Variants in ANKS1B observed in about 807,000 individuals in gnomAD.
The protein encoded by ANKS1B is ankyrin repeat and sterile alpha motif domain-containing protein 1B.
In ANKS1B, 36 loss-of-function variants were observed where a neutral mutation model predicts 148.3. That is an observed-to-expected ratio of 0.24 (90% CI 0.19 to 0.32). ANKS1B has a LOEUF of 0.32. ANKS1B is among the 10% of genes least tolerant of loss of function. The pLI is 1.00. For missense variants in ANKS1B, 1,157 were observed against 1,542.6 expected (o/e 0.75, Z 4.19); for synonymous variants, 542 against 560.8 (o/e 0.97, Z 0.47).
At chr12:98,735,864 T>TA (rs879471308) in intron 9 of ANKS1B, among the ~76,000 whole-genome samples, 2 of 152,056 alleles carry the variant, frequency 1.3e-5, no homozygotes, top group Non-Finnish European at 2.9e-5. Flanking sequence ...GGGAAGGGGT[T>TA]ACGGTTTTAG....
At chr12:99,814,162 A>G (rs545048043) in intron 2 of ANKS1B, among the ~76,000 whole-genome samples, 1 of 151,762 alleles carries the variant, frequency 6.6e-6, no homozygotes, top group South Asian at 2.1e-4. Context: ...GATTTGTGTA[A>G]GTGCACTCTA....
chr12:99,474,052 G>T (rs77808137), intron 10 of ANKS1B, among the ~76,000 whole-genome samples: 5,654 of 152,128 alleles, frequency 0.037, 372 homozygotes, highest in African/African-American at 0.13. Context: ...ATCCTTAGAA[G>T]AGTGAGTTAA....
intron 17 of ANKS1B, among the ~76,000 whole-genome samples, chr12:98,915,966 A>T (rs747652132): frequency 1.3e-5 from 2 of 151,914 alleles, no homozygotes; most frequent in African/African-American, 2.4e-5. Context: ...GTTGAGGGGG[A>T]TCTCCGGAGC....
chr12:99,850,984 C>G (rs2087732926), intron 1 of ANKS1B, among the ~76,000 whole-genome samples: 1 of 152,036 alleles, frequency 6.6e-6, no homozygotes, highest in Non-Finnish European at 1.5e-5. Context: ...TAAAAATCTG[C>G]ACTAATGGGG....
intron 17 of ANKS1B, among the ~76,000 whole-genome samples, chr12:98,927,924 AT>A (rs1378716100): frequency 1.3e-5 from 2 of 151,804 alleles, no homozygotes; most frequent in Admixed American, 1.3e-4. Flanking sequence ...AAAGGAAATA[AT>A]AAAAATAAGA....
At chr12:99,175,628 A>G (rs1355354495) in intron 14 of ANKS1B, among the ~76,000 whole-genome samples, 1 of 152,152 alleles carries the variant, frequency 6.6e-6, no homozygotes, top group East Asian at 1.9e-4. Flanking sequence ...CTTACTCAAC[A>G]CAAGTACTTC....
At chr12:99,577,386 G>A (rs1055000334) in intron 9 of ANKS1B, among the ~76,000 whole-genome samples, 1 of 151,080 alleles carries the variant, frequency 6.6e-6, no homozygotes, top group Non-Finnish European at 1.5e-5. Flanking sequence ...CAACATGACA[G>A]CTGAACTAAA....
At chr12:99,884,229 T>C (rs571842535) in intron 1 of ANKS1B, among the ~76,000 whole-genome samples, 8 of 152,204 alleles carry the variant, frequency 5.3e-5, no homozygotes, top group Admixed American at 5.2e-4. Context: ...TACACACCTA[T>C]TAGAATGGGG....
intron 17 of ANKS1B, among the ~76,000 whole-genome samples, chr12:98,962,008 G>A (rs772087356): frequency 5.9e-5 from 9 of 151,342 alleles, no homozygotes; most frequent in Non-Finnish European, 1.3e-4. Flanking sequence ...AAAGAAGGAA[G>A]GAAGGAAGAG....
At chr12:99,877,430 G>C (rs929676328) in intron 1 of ANKS1B, among the ~76,000 whole-genome samples, 1 of 152,026 alleles carries the variant, frequency 6.6e-6, no homozygotes, top group Non-Finnish European at 1.5e-5. Context: ...GCCTGTCCTA[G>C]GAATTCCTTC....
At chr12:99,154,203 A>T in intron 15 of ANKS1B, 86 bp downstream of exon 15, 1 of 1,535,290 alleles carries the variant, frequency 6.5e-7, no homozygotes, top group Non-Finnish European at 8.8e-7. Context: ...GTTTTGGTGC[A>T]AATCAGGCTG....
At chr12:99,856,713 G>A (rs2089163923) in intron 1 of ANKS1B, among the ~76,000 whole-genome samples, 1 of 152,128 alleles carries the variant, frequency 6.6e-6, no homozygotes, top group Non-Finnish European at 1.5e-5. Context: ...TACGAGGGAT[G>A]CGGGGACGGT....
intron 8 of ANKS1B, among the ~76,000 whole-genome samples, chr12:99,714,721 C>T (rs1433374210): frequency 6.6e-6 from 1 of 152,084 alleles, no homozygotes; most frequent in Non-Finnish European, 1.5e-5. Flanking sequence ...CTCCTTGGGC[C>T]TCCTAGTTCC....
intron 8 of ANKS1B, among the ~76,000 whole-genome samples, chr12:99,659,759 T>C (rs1165350882): frequency 1.3e-5 from 2 of 151,938 alleles, no homozygotes; most frequent in African/African-American, 4.8e-5. Context: ...TAAAATAGAG[T>C]AAGAATTATC....
chr12:98,983,915 A>G (rs2099921811), intron 17 of ANKS1B, among the ~76,000 whole-genome samples: 1 of 152,208 alleles, frequency 6.6e-6, no homozygotes, highest in Non-Finnish European at 1.5e-5. Flanking sequence ...GAGTAGATGA[A>G]TAGTTTTATC....
intron 17 of ANKS1B, among the ~76,000 whole-genome samples, chr12:98,935,181 T>C (rs984720784): frequency 2.0e-5 from 3 of 152,336 alleles, no homozygotes; most frequent in Middle Eastern, 3.4e-3. Flanking sequence ...TGAGAGTTTT[T>C]ATCATCAAAG....
chr12:99,805,285 A>AAAAAAAAAAAAAAAAAAAAAC (rs1360182682), intron 4 of ANKS1B, among the ~76,000 whole-genome samples: 2 of 149,198 alleles, frequency 1.3e-5, no homozygotes, highest in African/African-American at 2.5e-5. Context: ...AAAAAAAAAA[A>AAAAAAAAAAAAAAAAAAAAAC]AAAGACTAAC....
rs934036343 is a variant in ANKS1B at position 99,570,578 on chromosome 12, C to T, written c.1273-65937G>A. On this transcript the variant is annotated intron_variant, in intron 9 of 26. Transcript: ENST00000683438. ...AGGAAAATGGCGTGAACCCAGGAGG[C>T]GGGGTTTGCAGTGAGCTAAGATTGG... Among the ~76,000 whole-genome samples the T allele has an allele frequency of 2.7e-5, 4 of 147,680 alleles. No homozygotes were observed. The Admixed American group carries it at 2.7e-4, about 10-fold the overall frequency.
chr12:99,531,084 C>T (rs943545876), intron 9 of ANKS1B, among the ~76,000 whole-genome samples: 1 of 152,148 alleles, frequency 6.6e-6, no homozygotes, highest in African/African-American at 2.4e-5. Context: ...CATAGGCAAT[C>T]ATAAATTCTA....
Sources: gnomAD v4.1 joint callset for allele counts (sites outside exome capture counted in the v4.1 genomes callset) on GRCh38, gnomAD v4.1.1 for gene constraint, MANE v1.5 for transcripts, NCBI Gene and HGNC (gene_info 2026-07-23, HGNC 2026-07-21) for gene names.